The following ORC5 variants were observed in gnomAD, a reference collection of about 807,000 sequenced individuals.
ORC5 encodes origin recognition complex subunit 5.
ORC5 carries 39 observed loss-of-function variants against 58.8 expected under a neutral mutation model. That is an observed-to-expected ratio of 0.66 (90% CI 0.51 to 0.87). The LOEUF is 0.87. Among genes scored for constraint, ORC5 ranks in the 40% least tolerant of loss-of-function variants. The pLI is 0.00. For missense variants in ORC5, 493 were observed against 506.3 expected (o/e 0.97, Z 0.25); for synonymous variants, 218 against 177.6 (o/e 1.23, Z -1.81).
chr7:104,128,606 G>A (rs1469154769), intron 13 of ORC5, among the ~76,000 whole-genome samples: 5 of 151,004 alleles, frequency 3.3e-5, no homozygotes, highest in Non-Finnish European at 7.4e-5. Flanking sequence ...CATGTGCCAT[G>A]CTGGTGTGCT....
chr7:104,183,182 G>A (rs1283565454), intron 8 of ORC5, among the ~76,000 whole-genome samples: 2 of 152,032 alleles, frequency 1.3e-5, no homozygotes, highest in African/African-American at 4.8e-5. Context: ...AACAATGCTG[G>A]CCCAAGCACT....
At chr7:104,200,675 C>A in intron 3 of ORC5, 83 bp downstream of exon 3, 1 of 888,928 alleles carries the variant, frequency 1.1e-6, no homozygotes, top group Non-Finnish European at 1.8e-6. Context: ...CATAATGAGA[C>A]TCAAAACAAA....
intron 3 of ORC5, among the ~76,000 whole-genome samples, chr7:104,199,958 T>C (rs1799898946): frequency 6.6e-6 from 1 of 152,184 alleles, no homozygotes; most frequent in South Asian, 2.1e-4. Flanking sequence ...GTTCTTGTGA[T>C]AGTGAGCTCA....
At chr7:104,142,252 C>T (rs933238360) in intron 12 of ORC5, among the ~76,000 whole-genome samples, 1 of 151,966 alleles carries the variant, frequency 6.6e-6, no homozygotes, top group Non-Finnish European at 1.5e-5. Context: ...AATGGACTAA[C>T]GACTTAAATG....
rs535348326 is a variant in ORC5, at chr7:104,138,064, G to A, written c.1150-1171C>T. Among the ~76,000 whole-genome samples the A allele has an allele frequency of 1.3e-5, 2 of 152,266 alleles. No individual in the cohort carries two copies. The highest frequency in any genetic ancestry group is 4.1e-4 in the South Asian group (2 of 4,824). Reference sequence around the variant, plus strand: ...GAGATTGGAGCCCCACAACCTGCCCGTCTGCATGCTCCCATTAGAGGTTTG... The same window carrying A: ...GAGATTGGAGCCCCACAACCTGCCCATCTGCATGCTCCCATTAGAGGTTTG... On this transcript the variant is annotated intron_variant, in intron 12 of 13. Transcript: ENST00000297431. This position sits in a 1 kb window ranked among gnomAD's most constrained non-coding sequence, Gnocchi z 4.7.
At chr7:104,158,929 A>AG (rs199995264) in intron 12 of ORC5, among the ~76,000 whole-genome samples, 6,649 of 145,364 alleles carry the variant, frequency 0.046, 485 homozygotes, top group African/African-American at 0.16. Flanking sequence ...GCGATTCCTC[A>AG]GGATCTAGAA....
Position 104,138,694 on chromosome 7 carries a change from T to C in ORC5, c.1150-1801A>G, listed in dbSNP as rs889520121. Among the ~76,000 whole-genome samples, 4 of 152,110 alleles carry C rather than the reference T, an allele frequency of 2.6e-5. No homozygotes were observed. The highest frequency in any genetic ancestry group is 1.3e-4 in the Admixed American group (2 of 15,280). On this transcript the variant is annotated intron_variant, in intron 12 of 13. Coordinates refer to ENST00000297431, the MANE Select transcript of ORC5 (RefSeq NM_002553.4). The surrounding 1 kb of genome is among the most constrained non-coding windows in gnomAD (Gnocchi z 4.7). ...CCCAGCTAATTTTTTGTATTTTTTG[T>C]AGACATGGGGTTTTGCCATGTTGTC...
At chr7:104,190,220 T>C (rs991959206) in intron 5 of ORC5, among the ~76,000 whole-genome samples, 1 of 152,058 alleles carries the variant, frequency 6.6e-6, no homozygotes, top group Admixed American at 6.6e-5. Context: ...TCAACAACCT[T>C]ATTACCGGCA....
At chr7:104,161,241 G>T in intron 11 of ORC5, 59 bp from the exon 12 acceptor site, 1 of 909,770 alleles carries the variant, frequency 1.1e-6, no homozygotes. Context: ...CTCACTTTCT[G>T]TACTACAAAA....
chr7:104,177,806 G>A (rs1002114201), intron 8 of ORC5, among the ~76,000 whole-genome samples: 17 of 152,272 alleles, frequency 1.1e-4, no homozygotes, highest in African/African-American at 4.1e-4. Flanking sequence ...TCCACTTAGA[G>A]TGAGAACATG....
chr7:104,196,493 A>C (rs1485240852), intron 4 of ORC5, among the ~76,000 whole-genome samples: 1 of 152,198 alleles, frequency 6.6e-6, no homozygotes, highest in South Asian at 2.1e-4. Context: ...CAATAGCTAC[A>C]CTTATTATCC....
chr7:104,147,239 G>C (rs954229122), intron 12 of ORC5, among the ~76,000 whole-genome samples: 8 of 152,042 alleles, frequency 5.3e-5, no homozygotes, highest in African/African-American at 1.9e-4. Context: ...TGTAGCTACT[G>C]GTTTCATGCT....
rs1015724513 is a variant in ORC5 at position 104,133,838 on chromosome 7, G to C, written c.1262+2943C>G. 4.6e-5 allele frequency among the ~76,000 whole-genome samples: 7 copies of C among 152,136 alleles called. No homozygotes were observed. Among genetic ancestry groups the C allele is most frequent in the African/African-American group, 1.7e-4 (7 of 41,406 alleles). On this transcript the variant is annotated intron_variant, in intron 13 of 13. Transcript: ENST00000297431. The surrounding 1 kb of genome is among the most constrained non-coding windows in gnomAD (Gnocchi z 4.7). ...CTGTGGAATCATGTCTAAGAGAAGA[G>C]AGTTTTAAGAAAGAGTAGCCAACAG...
chr7:104,154,049 A>C (rs1427215216), intron 12 of ORC5, among the ~76,000 whole-genome samples: 1 of 152,130 alleles, frequency 6.6e-6, no homozygotes, highest in Non-Finnish European at 1.5e-5. Flanking sequence ...GTTTGAAATA[A>C]TGTATATTAA....
At chr7:104,170,041 T>G (rs919937079) in intron 8 of ORC5, among the ~76,000 whole-genome samples, 4 of 152,182 alleles carry the variant, frequency 2.6e-5, no homozygotes, top group African/African-American at 9.6e-5. Context: ...TTTAATATTG[T>G]TTTTCTCTAG....
chr7:104,144,075 C>T (rs1032846873), intron 12 of ORC5, among the ~76,000 whole-genome samples: 7 of 151,840 alleles, frequency 4.6e-5, no homozygotes, highest in Admixed American at 3.9e-4. Flanking sequence ...GCTGAGATCG[C>T]ACCACTGCAC....
At chr7:104,163,949 T>C (rs1396071653) in intron 11 of ORC5, among the ~76,000 whole-genome samples, 1 of 152,252 alleles carries the variant, frequency 6.6e-6, no homozygotes, top group Non-Finnish European at 1.5e-5. Flanking sequence ...TTTTTAGTTT[T>C]GTCAAACCAA....
chr7:104,144,038 G>C (rs568004577), intron 12 of ORC5, among the ~76,000 whole-genome samples: 1 of 152,064 alleles, frequency 6.6e-6, no homozygotes, highest in Admixed American at 6.5e-5. Context: ...AGAATTGCTT[G>C]AACCCAGGGG....
At chr7:104,198,559 G>A (rs1799856190) in intron 3 of ORC5, among the ~76,000 whole-genome samples, 1 of 152,190 alleles carries the variant, frequency 6.6e-6, no homozygotes, top group Non-Finnish European at 1.5e-5. Flanking sequence ...CAGGTGACCT[G>A]GCTGATTCTG....
Sources: gnomAD v4.1 joint callset for allele counts (sites outside exome capture counted in the v4.1 genomes callset) on GRCh38, gnomAD v4.1.1 for gene constraint, Gnocchi (gnomAD v3.1) non-coding constraint, MANE v1.5 for transcripts, NCBI Gene and HGNC (gene_info 2026-07-23, HGNC 2026-07-21) for gene names.